INSYN2B: variants seen among roughly 807,000 people sequenced by gnomAD.
The protein encoded by INSYN2B is protein INSYN2B.
Under a neutral mutation model 41.2 loss-of-function variants are expected in INSYN2B, and 16 were observed. The ratio of observed to expected loss-of-function variants is 0.39; its 90% CI spans 0.26 to 0.59. The LOEUF (loss-of-function observed/expected upper bound fraction) is 0.59, where lower values mean the gene tolerates loss of function less well. Among genes scored for constraint, INSYN2B ranks in the 20% least tolerant of loss-of-function variants. INSYN2B has a pLI of 0.57. For synonymous variants in INSYN2B, 245 were observed against 244.4 expected, an observed-to-expected ratio of 1.00 and a Z score of -0.02; for missense variants, 608 against 646.4, an observed-to-expected ratio of 0.94 and a Z score of 0.64.
chr5:169,927,170 C>T (rs1251835765), intron 1 of INSYN2B, among the ~76,000 whole-genome samples: 10 of 152,152 alleles, frequency 6.6e-5, no homozygotes, highest in Admixed American at 2.6e-4. Flanking sequence ...GGGAAGATCT[C>T]GGCCCTTTCC....
chr5:169,882,406 G>A (rs1267427357), intron 2 of INSYN2B, 147 bp downstream of exon 2: 4 of 639,078 alleles, frequency 6.3e-6, no homozygotes, highest in African/African-American at 1.8e-5. Context: ...AGAGAAAAGG[G>A]AGGTCTGTGG....
chr5:169,921,918 A>C lies in INSYN2B; in HGVS notation c.-918-37102T>G, dbSNP rs144934178. On this transcript the variant is annotated intron_variant, in intron 1 of 3. Transcript: ENST00000377365. Reference sequence around the variant, plus strand: ...ACTGTGATAGCCCCTTGACAGTAGAAAGATGATCTTTTAAAAAAATGCTCC... The same window carrying C: ...ACTGTGATAGCCCCTTGACAGTAGACAGATGATCTTTTAAAAAAATGCTCC... Among the ~76,000 whole-genome samples, 833 of 152,350 alleles carry C rather than the reference A, an allele frequency of 5.5e-3. 8 individuals are homozygous for C. The highest frequency in any genetic ancestry group is 0.02 in the African/African-American group (811 of 41,582).
At chr5:169,964,745 C>CA (rs1445647076) in intron 1 of INSYN2B, among the ~76,000 whole-genome samples, 6 of 152,224 alleles carry the variant, frequency 3.9e-5, no homozygotes, top group Non-Finnish European at 2.9e-5. Context: ...AGTATAGTTT[C>CA]AGATGAGCTG....
intron 1 of INSYN2B, among the ~76,000 whole-genome samples, chr5:169,968,285 T>C (rs1341170379): frequency 6.6e-6 from 1 of 152,228 alleles, no homozygotes; most frequent in Non-Finnish European, 1.5e-5. Flanking sequence ...AGAAGACCTT[T>C]GTCCTTTAAA....
chr5:169,971,513 T>A (rs538502745), intron 1 of INSYN2B, among the ~76,000 whole-genome samples: 28 of 151,754 alleles, frequency 1.8e-4, no homozygotes, highest in Non-Finnish European at 1.8e-4. Context: ...ATGTGAAACC[T>A]TGGAGTCAGC....
intron 1 of INSYN2B, among the ~76,000 whole-genome samples, chr5:169,961,372 G>T (rs951395291): frequency 6.6e-6 from 1 of 152,244 alleles, no homozygotes. Context: ...GCCTAGTCTT[G>T]CCTTGCATCA....
intron 3 of INSYN2B, among the ~76,000 whole-genome samples, chr5:169,877,821 A>G (rs1276608072): frequency 4.6e-5 from 7 of 152,222 alleles, no homozygotes; most frequent in Non-Finnish European, 7.4e-5. Context: ...AACCTCTTCT[A>G]TTTCTCTCAC....
intron 1 of INSYN2B, among the ~76,000 whole-genome samples, chr5:169,972,330 G>C (rs1282348486): frequency 2.6e-5 from 4 of 152,124 alleles, no homozygotes; most frequent in Non-Finnish European, 5.9e-5. Context: ...TTATGGATCA[G>C]AGCTTCTCAA....
rs57343313 is a variant in INSYN2B at position 169,974,888 on chromosome 5, T to C, written c.-919+5389A>G. On this transcript the variant is annotated intron_variant, in intron 1 of 3. Transcript: ENST00000377365. ...ATGGAGAGAGTTAGAAACAGGATAA[T>C]TATGTTCTGTGCCATTAAAAACTGG... is the stretch of plus-strand genomic sequence containing the variant. 2.4e-4 allele frequency among the ~76,000 whole-genome samples: 37 copies of C among 151,764 alleles called. 2 individuals carry two copies. In the East Asian group the frequency reaches 6.4e-3, roughly 26 times the overall value.
intron 1 of INSYN2B, among the ~76,000 whole-genome samples, chr5:169,897,778 C>T (rs1773698764): frequency 6.6e-6 from 1 of 152,200 alleles, no homozygotes; most frequent in Admixed American, 6.5e-5. Context: ...GAAGCTCTCA[C>T]TGCATTCTTA....
intron 1 of INSYN2B, among the ~76,000 whole-genome samples, chr5:169,979,233 T>C (rs1777851148): frequency 6.6e-6 from 1 of 152,198 alleles, no homozygotes; most frequent in African/African-American, 2.4e-5. Context: ...CACTGTAAAG[T>C]TTGAACAACG....
chr5:169,869,959 C>T (rs1771848621), intron 3 of INSYN2B, among the ~76,000 whole-genome samples: 1 of 152,176 alleles, frequency 6.6e-6, no homozygotes, highest in African/African-American at 2.4e-5. Flanking sequence ...GTTTGCAGAA[C>T]CCTGGCTTAC....
chr5:169,882,395 TAGAGAAAAGGG>T (rs898730745), intron 2 of INSYN2B, among the ~76,000 whole-genome samples, 147 bp downstream of exon 2: 2 of 152,220 alleles, frequency 1.3e-5, no homozygotes, highest in Middle Eastern at 3.4e-3. Flanking sequence ...GAAATTCCAT[TAGAGAAAAGGG>T]AGGTCTGTGG....
Position 169,883,071 on chromosome 5 carries a change from A to G in INSYN2B, c.828T>C (p.Pro276=). The G allele has an allele frequency of 1.3e-6, 2 of 1,551,682 alleles. No individual in the cohort carries two copies. The highest frequency in any genetic ancestry group is 1.7e-6 in the Non-Finnish European group (2 of 1,146,964). Reference sequence around the variant, plus strand: ...AGTTGTCTTTGGGCAAAAGCAATTCAGGTTTAAGTTCCTCTGTGCCTGGTG... The same window carrying G: ...AGTTGTCTTTGGGCAAAAGCAATTCGGGTTTAAGTTCCTCTGTGCCTGGTG... ...SHTPGTEELK[P]ELLLPKDNSD... is the part of the protein sequence containing the mutation. The change falls in exon 2 of 4, where the codon CCT becomes CCC. Residue 276 remains proline (P), a synonymous_variant. Transcript: ENST00000377365.
intron 3 of INSYN2B, among the ~76,000 whole-genome samples, chr5:169,877,324 T>G (rs938769869): frequency 6.6e-6 from 1 of 152,148 alleles, no homozygotes; most frequent in Admixed American, 6.5e-5. Context: ...GGAGGATTAC[T>G]TGAGATAAGG....
chr5:169,962,309 G>A (rs1413944919), intron 1 of INSYN2B, among the ~76,000 whole-genome samples: 1 of 152,152 alleles, frequency 6.6e-6, no homozygotes, highest in Non-Finnish European at 1.5e-5. Context: ...TATGTTATAG[G>A]TGCAGTCAGA....
intron 1 of INSYN2B, among the ~76,000 whole-genome samples, chr5:169,899,158 C>T (rs768619297): frequency 6.6e-6 from 1 of 152,058 alleles, no homozygotes; most frequent in African/African-American, 2.4e-5. Flanking sequence ...AGTAAGAGCT[C>T]AAAAAATGTT....
At chr5:169,931,973 C>G (rs922945898) in intron 1 of INSYN2B, among the ~76,000 whole-genome samples, 1 of 152,202 alleles carries the variant, frequency 6.6e-6, no homozygotes, top group Non-Finnish European at 1.5e-5. Flanking sequence ...CTGCTGCCTG[C>G]CAGGAACTGC....
chr5:169,932,135 G>C (rs144251404), intron 1 of INSYN2B, among the ~76,000 whole-genome samples: 1 of 152,168 alleles, frequency 6.6e-6, no homozygotes, highest in East Asian at 1.9e-4. Flanking sequence ...AGTGGCGTAA[G>C]AGCATATGAT....
Sources: gnomAD v4.1 joint callset for allele counts (sites outside exome capture counted in the v4.1 genomes callset) on GRCh38, gnomAD v4.1.1 for gene constraint, MANE v1.5 for transcripts, NCBI Gene and HGNC (gene_info 2026-07-23, HGNC 2026-07-21) for gene names.